USP25: variants seen among roughly 807,000 people sequenced by gnomAD.
The protein encoded by USP25 is ubiquitin specific peptidase 25.
Under a neutral mutation model 158.5 loss-of-function variants are expected in USP25, and 85 were observed. The ratio of observed to expected loss-of-function variants is 0.54; its 90% CI spans 0.45 to 0.64. The LOEUF is 0.64. Among genes scored for constraint, USP25 ranks in the 30% least tolerant of loss-of-function variants. The pLI is 0.00. For synonymous variants in USP25, 464 were observed against 460.4 expected (o/e 1.01, Z -0.10); for missense variants, 1,242 against 1,327.3 (o/e 0.94, Z 1.00).
In USP25 at chr21:15,776,798, C is replaced by T. The variant is rs2034681288; in HGVS notation, c.269-1106C>T. Among the ~76,000 whole-genome samples the T allele has an allele frequency of 2.0e-5, 3 of 152,058 alleles. No homozygotes were observed. The South Asian group carries it at 6.2e-4, about 32-fold the overall frequency. On this transcript the variant is annotated intron_variant, in intron 3 of 25. Transcript: ENST00000400183. ...GAGATTGCAGTGAGCTGTGATCATGCCACTGCCCTCTAGCCTGGGTGACAC... is the reference window on the plus strand; with the variant it reads ...GAGATTGCAGTGAGCTGTGATCATGTCACTGCCCTCTAGCCTGGGTGACAC...
intron 20 of USP25, among the ~76,000 whole-genome samples, chr21:15,853,668 G>A (rs1177415496): frequency 2.0e-5 from 3 of 151,958 alleles, no homozygotes; most frequent in Non-Finnish European, 4.4e-5. Flanking sequence ...TAACTCATTA[G>A]CATTTTATTT....
rs543127048 is a variant in USP25, at chr21:15,813,643, T to G, written c.931+2433T>G. Among the ~76,000 whole-genome samples the G allele has an allele frequency of 7.6e-4, 115 of 152,312 alleles. 1 individual carries two copies. In the South Asian group the frequency reaches 0.022, roughly 30 times the overall value. ...TCCCACTCTTTCTTTCTCATCAATA[T>G]TTACACATTGTCTGGTATCTCAAAC... On this transcript the variant is annotated intron_variant, in intron 9 of 25. Coordinates refer to ENST00000400183, the MANE Select transcript of USP25 (RefSeq NM_001283041.3).
At chr21:15,774,270 A>G (rs1208141945) in intron 3 of USP25, among the ~76,000 whole-genome samples, 1 of 152,188 alleles carries the variant, frequency 6.6e-6, no homozygotes, top group Non-Finnish European at 1.5e-5. Context: ...GTGCATTGGT[A>G]ATTTGAAAAG....
At position 15,818,751 on chromosome 21, in the gene USP25, G is replaced by C. The variant is rs1482395948; in HGVS notation, c.985G>C (p.Gly329Arg). The stretch of plus-strand genomic sequence containing the variant: ...TGGTCAGTACCCACTTCAGGTCAAT[G>C]GGTTCAAAGATCTGCATGAGTGCCT... Reference protein sequence around the residue: ...MFGQYPLQVNGFKDLHECLEA... With the variant: ...MFGQYPLQVNRFKDLHECLEA... Residue 329 changes from glycine (G) to arginine (R), a missense_variant, in exon 10 of 26, where the codon GGG becomes CGG. Gly to Arg is a moderately radical substitution (Grantham distance 125, BLOSUM62 -2). This residue lies in a region of USP25 where 627 missense variants were observed against 701.4 expected (regional missense o/e 0.89). Transcript: ENST00000400183. The C allele has an allele frequency of 3.2e-5, 52 of 1,613,536 alleles. No individual in the cohort carries two copies. Among genetic ancestry groups the C allele is most frequent in the Non-Finnish European group, 4.4e-5 (52 of 1,179,690 alleles).
chr21:15,743,527 G>A (rs960090040), intron 1 of USP25, among the ~76,000 whole-genome samples: 4 of 152,164 alleles, frequency 2.6e-5, no homozygotes, highest in Non-Finnish European at 5.9e-5. Context: ...GTTTTTTTAG[G>A]TTTGGAATGA....
At position 15,763,028 on chromosome 21, in the gene USP25, A is replaced by G. The variant is rs367814843; in HGVS notation, c.123+60A>G. On this transcript the variant is annotated intron_variant, in intron 2 of 25. Transcript: ENST00000400183. ...TATATGCTCATCTCTAGTGCGTATT[A>G]TATTTGATAGTTGATTTTTTTTTTG... is the stretch of plus-strand genomic sequence containing the variant. 127 of 1,438,114 alleles carry G rather than the reference A, an allele frequency of 8.8e-5. 2 individuals are homozygous for G. Among genetic ancestry groups the G allele is most frequent in the East Asian group, 6.1e-4 (25 of 41,188 alleles). 89.1% of individuals were successfully genotyped at this position (1,438,114 alleles called of 1,614,324 possible).
chr21:15,877,720 T>A, intron 24 of USP25, 76 bp from the exon 25 acceptor site: 5 of 1,044,312 alleles, frequency 4.8e-6, no homozygotes, highest in Non-Finnish European at 7.0e-6. Flanking sequence ...GTTGTCTTCC[T>A]TATTAATACT....
intron 24 of USP25, among the ~76,000 whole-genome samples, 192 bp downstream of exon 24, chr21:15,874,718 A>G (rs2040032338): frequency 6.6e-6 from 1 of 152,206 alleles, no homozygotes. Context: ...TATGAATCCC[A>G]AGTACTATAG....
chr21:15,753,445 G>T lies in USP25; in HGVS notation c.46-9446G>T, dbSNP rs146481454. 2.0e-3 allele frequency among the ~76,000 whole-genome samples: 308 copies of T among 152,280 alleles called. 2 individuals are homozygous for T. Among genetic ancestry groups the T allele is most frequent in the African/African-American group, 6.9e-3 (288 of 41,534 alleles). On this transcript the variant is annotated intron_variant, in intron 1 of 25. Transcript: ENST00000400183. ...TAGTCCCGGGGGACCCTCCTTGTCT[G>T]CTTACACATTCATGGGACTGTCATA...
At chr21:15,829,765 G>A in intron 14 of USP25, among the ~76,000 whole-genome samples, 1 of 151,994 alleles carries the variant, frequency 6.6e-6, no homozygotes, top group Admixed American at 6.6e-5. Context: ...TGTTGGTTTT[G>A]TTTTCTTTTT....
intron 20 of USP25, among the ~76,000 whole-genome samples, chr21:15,858,666 C>G (rs1233849944): frequency 6.6e-6 from 1 of 151,738 alleles, no homozygotes; most frequent in African/African-American, 2.4e-5. Context: ...TTGCGGTGAT[C>G]AGAAATTTTT....
At chr21:15,871,198 T>A (rs1280415517) in intron 23 of USP25, among the ~76,000 whole-genome samples, 2 of 152,230 alleles carry the variant, frequency 1.3e-5, no homozygotes, top group Non-Finnish European at 2.9e-5. Flanking sequence ...AGTACTTAAG[T>A]ACAAATTATT....
At chr21:15,833,643 T>A in intron 17 of USP25, 95 bp downstream of exon 17, 1 of 1,104,102 alleles carries the variant, frequency 9.1e-7, no homozygotes, top group Non-Finnish European at 1.3e-6. Context: ...TCTTAAAGTG[T>A]GAGGAAATCA....
chr21:15,802,254 A>G (rs1163778412), intron 6 of USP25, among the ~76,000 whole-genome samples: 2 of 151,620 alleles, frequency 1.3e-5, no homozygotes, highest in East Asian at 3.9e-4. Flanking sequence ...CTTAAAGTGA[A>G]TGTCATCAGA....
intron 24 of USP25, among the ~76,000 whole-genome samples, chr21:15,874,907 C>A (rs1178895330): frequency 1.3e-5 from 2 of 152,172 alleles, no homozygotes; most frequent in Non-Finnish European, 2.9e-5. Context: ...CAGCTCATGC[C>A]TGTAATCCTA....
At chr21:15,801,797 G>T (rs754004470) in intron 6 of USP25, among the ~76,000 whole-genome samples, 6 of 151,470 alleles carry the variant, frequency 4.0e-5, no homozygotes, top group African/African-American at 7.3e-5. Flanking sequence ...CTTTTAAACA[G>T]GATATTTTTT....
intron 6 of USP25, among the ~76,000 whole-genome samples, chr21:15,804,544 C>A (rs2036284318): frequency 1.3e-5 from 2 of 151,674 alleles, no homozygotes; most frequent in South Asian, 2.1e-4. Context: ...TAATATTAGT[C>A]TAATAATTAA....
intron 23 of USP25, among the ~76,000 whole-genome samples, chr21:15,874,094 A>T (rs1247354836): frequency 6.6e-6 from 1 of 152,206 alleles, no homozygotes; most frequent in African/African-American, 2.4e-5. Context: ...GTTTAAATGG[A>T]AGACATCAGG....
intron 1 of USP25, among the ~76,000 whole-genome samples, chr21:15,756,365 TCAGAGCACTCAGCAAGC>T (rs2033377609): frequency 6.6e-6 from 1 of 152,100 alleles, no homozygotes; most frequent in African/African-American, 2.4e-5. Context: ...TTGCTTTTGT[TCAGAGCACTCAGCAAGC>T]CAGAATGCCA....
Sources: allele counts gnomAD v4.1 joint callset (sites outside exome capture counted in the v4.1 genomes callset), GRCh38; gene constraint gnomAD v4.1.1; regional missense constraint gnomAD v4.1.1; transcripts MANE v1.5; gene names NCBI Gene and HGNC (gene_info 2026-07-23, HGNC 2026-07-21).